The following SHISA6 variants were observed in gnomAD, a reference collection of about 807,000 sequenced individuals.
SHISA6 encodes the protein protein shisa-6.
SHISA6 carries 22 observed loss-of-function variants against 47.9 expected under a neutral mutation model. The observed-to-expected ratio is 0.46, with a 90% CI of 0.33 to 0.66. SHISA6 has a LOEUF of 0.66. SHISA6 is among the 30% of genes least tolerant of loss of function. The pLI is 0.02. For synonymous variants in SHISA6, 388 were observed against 337.8 expected (o/e 1.15, Z -1.63); for missense variants, 680 against 764.6 (o/e 0.89, Z 1.30).
intron 3 of SHISA6, among the ~76,000 whole-genome samples, chr17:11,418,885 C>T (rs935870524): frequency 5.9e-5 from 9 of 152,120 alleles, no homozygotes; most frequent in African/African-American, 2.2e-4. Flanking sequence ...TCCATCTGCT[C>T]ACCAGTTTGT....
intron 3 of SHISA6, among the ~76,000 whole-genome samples, chr17:11,511,809 G>A (rs1441082996): frequency 3.9e-5 from 6 of 152,218 alleles, no homozygotes; most frequent in African/African-American, 1.4e-4. Flanking sequence ...CAAGGTTCCT[G>A]CATTAGAGAA....
intron 3 of SHISA6, among the ~76,000 whole-genome samples, chr17:11,410,599 C>T (rs569571993): frequency 2.0e-5 from 3 of 152,194 alleles, no homozygotes; most frequent in East Asian, 1.9e-4. Flanking sequence ...GCAATAACCT[C>T]GCTGACTGAT....
At chr17:11,380,666 C>T (rs1019489708) in intron 3 of SHISA6, among the ~76,000 whole-genome samples, 1 of 152,186 alleles carries the variant, frequency 6.6e-6, no homozygotes, top group Admixed American at 6.5e-5. Flanking sequence ...TCAAACTTAG[C>T]GTTTTAAAAC....
chr17:11,362,552 C>T (rs1018991666), intron 2 of SHISA6, among the ~76,000 whole-genome samples: 3 of 152,180 alleles, frequency 2.0e-5, no homozygotes, highest in East Asian at 1.9e-4. Context: ...CCGATGCTCC[C>T]GAAAGACCAC....
chr17:11,395,614 T>C (rs1036710770), intron 3 of SHISA6, among the ~76,000 whole-genome samples: 1 of 146,972 alleles, frequency 6.8e-6, no homozygotes, highest in African/African-American at 2.5e-5. Context: ...GCCTCCCGGG[T>C]TCAAGCGATT....
intron 2 of SHISA6, among the ~76,000 whole-genome samples, chr17:11,292,388 A>G (rs1048782433): frequency 6.6e-6 from 1 of 152,120 alleles, no homozygotes; most frequent in South Asian, 2.1e-4. Context: ...GGAAAACACC[A>G]TGGCACATGT....
chr17:11,447,766 G>A (rs545464579), intron 3 of SHISA6, among the ~76,000 whole-genome samples: 36 of 152,276 alleles, frequency 2.4e-4, no homozygotes, highest in Non-Finnish European at 4.3e-4. Flanking sequence ...GTTTCTGCCC[G>A]TTTCCTTCCA....
At chr17:11,473,873 A>G (rs779668764) in intron 3 of SHISA6, among the ~76,000 whole-genome samples, 1 of 151,920 alleles carries the variant, frequency 6.6e-6, no homozygotes, top group Non-Finnish European at 1.5e-5. Context: ...AGCCCCACAT[A>G]CATTAGGTAT....
At position 11,558,119 on chromosome 17, in the gene SHISA6, C is replaced by G. The variant is rs1479742878; in HGVS notation, c.1471C>G (p.Arg491Gly). 1.7e-5 allele frequency: 26 copies of G among 1,551,266 alleles called. No homozygotes were observed. The highest frequency in any genetic ancestry group is 2.7e-5 in the African/African-American group (2 of 73,068). Residue 491 changes from arginine (R) to glycine (G), a missense_variant, in exon 6 of 6, where the codon CGC becomes GGC. Arg to Gly is a moderately radical substitution (Grantham distance 125). Coordinates refer to ENST00000441885, the MANE Select transcript of SHISA6 (RefSeq NM_207386.4). ...GTCCACACCCGTGCTGGACCGCTAC[C>G]GCATGAGCAAGATGCACTCTCATCC... is the stretch of plus-strand genomic sequence containing the variant. The part of the protein sequence containing the change: ...FVSTPVLDRY[R>G]MSKMHSHPSA...
intron 3 of SHISA6, among the ~76,000 whole-genome samples, chr17:11,421,710 G>C (rs1275699871): frequency 6.6e-6 from 1 of 152,206 alleles, no homozygotes; most frequent in East Asian, 1.9e-4. Context: ...AAACAAAGAG[G>C]AGTTACAGGT....
chr17:11,360,566 GAA>G (rs1172751262), intron 2 of SHISA6, among the ~76,000 whole-genome samples: 5 of 128,216 alleles, frequency 3.9e-5, no homozygotes, highest in African/African-American at 2.9e-5. Context: ...TCTCAAGAAG[GAA>G]AAAAAAAAAA....
intron 2 of SHISA6, among the ~76,000 whole-genome samples, chr17:11,278,517 C>G: frequency 6.6e-6 from 1 of 152,324 alleles, no homozygotes; most frequent in Admixed American, 6.5e-5. Context: ...GCAACAAAGC[C>G]AGTTTTTCCT....
chr17:11,555,962 C>T, intron 5 of SHISA6, 70 bp downstream of exon 5: 1 of 1,443,884 alleles, frequency 6.9e-7, no homozygotes. Context: ...GTCACACTCT[C>T]TTGCTCCATA....
intron 3 of SHISA6, among the ~76,000 whole-genome samples, chr17:11,455,517 G>A (rs1379643490): frequency 2.0e-5 from 3 of 150,762 alleles, no homozygotes; most frequent in Non-Finnish European, 4.4e-5. Flanking sequence ...GGAAGTGTGT[G>A]TACAAGCGTG....
chr17:11,460,278 C>G (rs542935823), intron 3 of SHISA6, among the ~76,000 whole-genome samples: 1 of 152,154 alleles, frequency 6.6e-6, no homozygotes, highest in Non-Finnish European at 1.5e-5. Context: ...CTAGGCTAGG[C>G]GCCGGGATGG....
chr17:11,553,751 T>G (rs192526302), intron 4 of SHISA6, among the ~76,000 whole-genome samples: 110 of 152,220 alleles, frequency 7.2e-4, no homozygotes, highest in African/African-American at 2.6e-3. Flanking sequence ...TCAAGGAGAT[T>G]GCAATATTTG....
chr17:11,439,458 C>T lies in SHISA6; in HGVS notation c.895+59949C>T, dbSNP rs755678273. 2.0e-4 allele frequency among the ~76,000 whole-genome samples: 31 copies of T among 152,194 alleles called. No individual in the cohort carries two copies. In the East Asian group the frequency reaches 3.1e-3, roughly 15 times the overall value. ...GCAGTGAAGAGTCACAGACTTCAAGCGTGGAAACTTCAAAAACTAATGGCT... is the reference window on the plus strand; with the variant it reads ...GCAGTGAAGAGTCACAGACTTCAAGTGTGGAAACTTCAAAAACTAATGGCT... On this transcript the variant is annotated intron_variant, in intron 3 of 5. Coordinates refer to ENST00000441885, the MANE Select transcript of SHISA6 (RefSeq NM_207386.4).
At chr17:11,359,091 T>C in intron 2 of SHISA6, among the ~76,000 whole-genome samples, 1 of 152,258 alleles carries the variant, frequency 6.6e-6, no homozygotes, top group East Asian at 1.9e-4. Context: ...AATGCTTCTG[T>C]GAACATGGGT....
rs56958011 is a variant in SHISA6, at chr17:11,516,580, G to A, written c.896-35316G>A. Among the ~76,000 whole-genome samples, 515 of 152,288 alleles carry A rather than the reference G, an allele frequency of 3.4e-3. 3 individuals carry two copies. Among genetic ancestry groups the A allele is most frequent in the African/African-American group, 0.012 (488 of 41,560 alleles). The stretch of plus-strand genomic sequence containing the variant: ...ATATATAGCATGTTCCAATCCCCAT[G>A]GTGTAAATATTCCCACTGTGGCAGA... On this transcript the variant is annotated intron_variant, in intron 3 of 5. Coordinates refer to ENST00000441885, the MANE Select transcript of SHISA6 (RefSeq NM_207386.4).
Sources: allele counts gnomAD v4.1 joint callset (sites outside exome capture counted in the v4.1 genomes callset), GRCh38; gene constraint gnomAD v4.1.1; transcripts MANE v1.5; gene names NCBI Gene and HGNC (gene_info 2026-07-23, HGNC 2026-07-21).